ANKFN1: variants seen among roughly 807,000 people sequenced by gnomAD.
ANKFN1 encodes the protein ankyrin repeat and fibronectin type-III domain-containing protein 1.
A neutral mutation model predicts 108.7 loss-of-function variants in ANKFN1; 74 were observed. The observed-to-expected ratio is 0.68, with a 90% CI of 0.56 to 0.83. The LOEUF (loss-of-function observed/expected upper bound fraction) is 0.83. Ranked by LOEUF, ANKFN1 falls within the 40% of genes least tolerant of loss-of-function variation. ANKFN1 has a pLI of 0.00. For synonymous variants in ANKFN1, 547 were observed against 516.2 expected (o/e 1.06, Z -0.81); for missense variants, 1,505 against 1,382.3 (o/e 1.09, Z -1.41).
intron 1 of ANKFN1, among the ~76,000 whole-genome samples, chr17:56,175,592 G>A (rs1401781741): frequency 6.6e-6 from 1 of 152,146 alleles, no homozygotes; most frequent in African/African-American, 2.4e-5. Context: ...GTTGACAAGC[G>A]ATGGTGAAGT....
At chr17:56,077,404 G>T (rs1275755901) in intron 4 of ANKFN1, among the ~76,000 whole-genome samples, 2 of 152,184 alleles carry the variant, frequency 1.3e-5, no homozygotes, top group Non-Finnish European at 2.9e-5. Flanking sequence ...AAATTCAGCT[G>T]CAACCTATGG....
At chr17:56,227,070 C>A in intron 2 of ANKFN1, among the ~76,000 whole-genome samples, 1 of 152,050 alleles carries the variant, frequency 6.6e-6, no homozygotes, top group Non-Finnish European at 1.5e-5. Context: ...CTGAGGACAC[C>A]ATGATTTGAG....
intron 4 of ANKFN1, 98 bp from the exon 5 acceptor site, chr17:56,350,668 G>T (rs1016095300): frequency 4.4e-5 from 51 of 1,146,970 alleles, no homozygotes; most frequent in Admixed American, 5.8e-5. Context: ...CTCTAATATT[G>T]TATTTGGATT....
chr17:56,498,027 T>C lies in ANKFN1; in HGVS notation c.2428-855T>C, dbSNP rs188119354. 7.0e-4 allele frequency among the ~76,000 whole-genome samples: 106 copies of C among 152,272 alleles called. 1 individual carries two copies. The highest frequency in any genetic ancestry group is 2.5e-3 in the African/African-American group (103 of 41,562). On this transcript the variant is annotated intron_variant, in intron 19 of 20. Transcript: ENST00000682825. ...GACACAAAAATCTGAGTGAATTTTA[T>C]GCAAATAGGCTTCAAGGAAACTACT...
chr17:56,220,808 GAGGAAGGA>G (rs1223599660), intron 2 of ANKFN1, among the ~76,000 whole-genome samples: 6 of 66,878 alleles, frequency 9.0e-5, no homozygotes, highest in African/African-American at 5.4e-4. Flanking sequence ...GGGAGGGAGG[GAGGAAGGA>G]AGGAAGGAAG....
chr17:56,117,634 G>A (rs968350718), intron 4 of ANKFN1, among the ~76,000 whole-genome samples: 10 of 152,200 alleles, frequency 6.6e-5, no homozygotes, highest in East Asian at 5.8e-4. Flanking sequence ...TAGCCAAGAC[G>A]AAAACTGGAA....
At chr17:56,163,871 G>A (rs771916266) in intron 1 of ANKFN1, among the ~76,000 whole-genome samples, 11 of 152,190 alleles carry the variant, frequency 7.2e-5, no homozygotes, top group Non-Finnish European at 1.3e-4. Flanking sequence ...GAGGGAGAAA[G>A]CATCTAGACA....
At chr17:56,259,028 G>C (rs1394114395) in intron 3 of ANKFN1, among the ~76,000 whole-genome samples, 1 of 152,194 alleles carries the variant, frequency 6.6e-6, no homozygotes, top group South Asian at 2.1e-4. Context: ...CATGTGACTT[G>C]AGTGCTTATT....
At chr17:56,247,947 C>T (rs1459382600) in intron 3 of ANKFN1, among the ~76,000 whole-genome samples, 19 of 152,140 alleles carry the variant, frequency 1.2e-4, no homozygotes, top group Non-Finnish European at 2.9e-5. Flanking sequence ...CTGGAGAAGA[C>T]TTGGACAGAG....
chr17:56,489,799 GA>G (rs1325444012), intron 18 of ANKFN1, among the ~76,000 whole-genome samples: 1 of 152,070 alleles, frequency 6.6e-6, no homozygotes, highest in African/African-American at 2.4e-5. Flanking sequence ...CCAGCCAAGA[GA>G]GGACATCTGT....
At position 56,457,205 on chromosome 17, in the gene ANKFN1, AT is replaced by A. The variant is rs1436985124; in HGVS notation, c.1308-47del. 6 of 1,489,924 alleles carry A rather than the reference AT, an allele frequency of 4.0e-6. No individual in the cohort carries two copies. The African/African-American group carries it at 8.5e-5, about 21-fold the overall frequency. 92.3% of individuals were successfully genotyped at this position (1,489,924 alleles called of 1,614,324 possible). On this transcript the variant is annotated intron_variant, in intron 12 of 20. Transcript: ENST00000682825. ...CATCTTTTATCACATCCAAAAAAAT[AT>A]TTTTCCAAGATGGTTGAGGACAATG...
intron 4 of ANKFN1, among the ~76,000 whole-genome samples, chr17:56,090,101 G>A (rs1172470568): frequency 6.6e-6 from 1 of 151,374 alleles, no homozygotes; most frequent in Non-Finnish European, 1.5e-5. Context: ...AGGAAAATGT[G>A]TGGAGAAAGA....
chr17:56,118,766 T>C (rs377440860), intron 4 of ANKFN1, among the ~76,000 whole-genome samples: 8 of 152,314 alleles, frequency 5.3e-5, no homozygotes, highest in African/African-American at 1.9e-4. Context: ...ACAATATTTA[T>C]TGAGCATGCA....
chr17:56,448,980 T>G, intron 10 of ANKFN1, 99 bp from the exon 11 acceptor site: 2 of 924,880 alleles, frequency 2.2e-6, no homozygotes, highest in South Asian at 3.0e-5. Flanking sequence ...CCGCAGAGAC[T>G]GTGGGTAGTA....
At position 56,428,158 on chromosome 17, in the gene ANKFN1, C is replaced by T. The variant is rs193166475; in HGVS notation, c.911-12169C>T. 2.7e-3 allele frequency among the ~76,000 whole-genome samples: 413 copies of T among 151,602 alleles called. 1 individual carries two copies. Among genetic ancestry groups the T allele is most frequent in the African/African-American group, 9.4e-3 (387 of 41,296 alleles). On this transcript the variant is annotated intron_variant, in intron 8 of 20. Transcript: ENST00000682825. Reference sequence around the variant, plus strand: ...CTGAGGCATGAGAATTGCTTGAACCCGGGAGGCAGAGGTTGCAGTGAGCTG... The same window carrying T: ...CTGAGGCATGAGAATTGCTTGAACCTGGGAGGCAGAGGTTGCAGTGAGCTG...
At chr17:56,347,325 A>C (rs2046130867) in intron 4 of ANKFN1, among the ~76,000 whole-genome samples, 1 of 152,088 alleles carries the variant, frequency 6.6e-6, no homozygotes, top group African/African-American at 2.4e-5. Context: ...TATTGAGTGG[A>C]TACTATGCAC....
chr17:56,182,421 G>T (rs1911772710), intron 1 of ANKFN1, among the ~76,000 whole-genome samples: 1 of 152,132 alleles, frequency 6.6e-6, no homozygotes, highest in South Asian at 2.1e-4. Context: ...ATATGGAGAA[G>T]GTTTTAGTGG....
At chr17:56,433,961 G>A (rs573742986) in intron 8 of ANKFN1, among the ~76,000 whole-genome samples, 2 of 152,250 alleles carry the variant, frequency 1.3e-5, no homozygotes, top group South Asian at 2.1e-4. Flanking sequence ...GCTTGAACCC[G>A]GGAGGCAGAG....
intron 3 of ANKFN1, among the ~76,000 whole-genome samples, chr17:56,302,294 G>T (rs62073048): frequency 0.11 from 17,356 of 152,120 alleles, 1,063 homozygotes; most frequent in African/African-American, 0.18. Context: ...GGAGCCTGAG[G>T]CAGGAGGATC....
Sources: allele counts gnomAD v4.1 joint callset (sites outside exome capture counted in the v4.1 genomes callset), GRCh38; gene constraint gnomAD v4.1.1; transcripts MANE v1.5; gene names NCBI Gene and HGNC (gene_info 2026-07-23, HGNC 2026-07-21).